INPP4B: variants seen among roughly 807,000 people sequenced by gnomAD.
INPP4B encodes the protein inositol polyphosphate 4-phosphatase type II.
A neutral mutation model predicts 122.5 loss-of-function variants in INPP4B; 55 were observed. The ratio of observed to expected loss-of-function variants is 0.45; its 90% CI spans 0.36 to 0.56. INPP4B has a LOEUF of 0.56. Ranked by LOEUF, INPP4B falls within the 20% of genes least tolerant of loss-of-function variation. INPP4B has a pLI of 0.00. For synonymous variants in INPP4B, 403 were observed against 388.7 expected (o/e 1.04, Z -0.43); for missense variants, 1,000 against 1,097.7 (o/e 0.91, Z 1.26).
chr4:142,842,741 AAT>A (rs1279640030), intron 1 of INPP4B, among the ~76,000 whole-genome samples: 4 of 132,124 alleles, frequency 3.0e-5, no homozygotes, highest in Admixed American at 1.7e-4. Context: ...ATATTAATAT[AAT>A]ATATAATATA....
chr4:142,487,128 G>A (rs1821299667), intron 2 of INPP4B, among the ~76,000 whole-genome samples: 1 of 152,080 alleles, frequency 6.6e-6, no homozygotes, highest in African/African-American at 2.4e-5. Flanking sequence ...TTAAAAACGG[G>A]AGTTTCTCTG....
chr4:142,650,692 C>T (rs556871366), intron 2 of INPP4B, among the ~76,000 whole-genome samples: 1 of 152,172 alleles, frequency 6.6e-6, no homozygotes, highest in East Asian at 1.9e-4. Flanking sequence ...ATATATGCAC[C>T]CAACACAGGA....
At chr4:142,450,681 A>G (rs1281911541) in intron 3 of INPP4B, among the ~76,000 whole-genome samples, 2 of 152,228 alleles carry the variant, frequency 1.3e-5, no homozygotes, top group Non-Finnish European at 2.9e-5. Flanking sequence ...TCCTTATAAC[A>G]AATGTATTCA....
At chr4:142,656,785 C>A (rs187739596) in intron 2 of INPP4B, among the ~76,000 whole-genome samples, 17 of 152,202 alleles carry the variant, frequency 1.1e-4, no homozygotes, top group Admixed American at 9.8e-4. Context: ...AACAAGTTAG[C>A]CCTTAAAGAT....
chr4:142,778,415 T>G (rs1453586084), intron 1 of INPP4B, among the ~76,000 whole-genome samples: 1 of 152,176 alleles, frequency 6.6e-6, no homozygotes, highest in Non-Finnish European at 1.5e-5. Flanking sequence ...TGTTTTCAGG[T>G]ATCTATTCCT....
At chr4:142,247,151 ACCG>A (rs1251429652) in intron 11 of INPP4B, among the ~76,000 whole-genome samples, 2 of 152,166 alleles carry the variant, frequency 1.3e-5, no homozygotes, top group Non-Finnish European at 2.9e-5. Flanking sequence ...AGCTGACTTG[ACCG>A]TGGTGGATAA....
chr4:142,217,432 T>A (rs1160702059), intron 12 of INPP4B, among the ~76,000 whole-genome samples: 1 of 152,148 alleles, frequency 6.6e-6, no homozygotes, highest in Non-Finnish European at 1.5e-5. Context: ...GTTCTTATAT[T>A]TTCCTAAAAT....
chr4:142,836,747 A>G (rs931467468), intron 1 of INPP4B, among the ~76,000 whole-genome samples: 1 of 96,780 alleles, frequency 1.0e-5, no homozygotes, highest in East Asian at 2.5e-4. Context: ...CACACACACA[A>G]GAAATACGAC....
At chr4:142,765,842 G>T (rs1000996847) in intron 1 of INPP4B, 9 of 145,354 alleles carry the variant, frequency 6.2e-5, no homozygotes, top group Non-Finnish European at 6.1e-5. Flanking sequence ...AAAGCTTCTG[G>T]TTTTTTTTTT....
At chr4:142,623,168 T>A (rs187911573) in intron 2 of INPP4B, among the ~76,000 whole-genome samples, 188 of 152,072 alleles carry the variant, frequency 1.2e-3, no homozygotes, top group African/African-American at 4.5e-3. Context: ...GTCGCAAATA[T>A]ACACAGAGTC....
chr4:142,274,091 A>G (rs1048369895), intron 9 of INPP4B, among the ~76,000 whole-genome samples: 2 of 151,990 alleles, frequency 1.3e-5, no homozygotes, highest in Non-Finnish European at 2.9e-5. Context: ...CTTAAATGCT[A>G]AATTATGCTT....
chr4:142,281,319 T>C (rs961004139), intron 9 of INPP4B, among the ~76,000 whole-genome samples: 2 of 150,080 alleles, frequency 1.3e-5, no homozygotes, highest in Non-Finnish European at 3.0e-5. Flanking sequence ...GTGAAAACAG[T>C]CTGGATAGAT....
At chr4:142,146,329 A>G (rs1025675714) in intron 17 of INPP4B, among the ~76,000 whole-genome samples, 4 of 152,206 alleles carry the variant, frequency 2.6e-5, no homozygotes, top group Non-Finnish European at 5.9e-5. Context: ...ATCAACACTT[A>G]TTATGAAAGC....
chr4:142,800,863 A>C (rs991425223), intron 1 of INPP4B, among the ~76,000 whole-genome samples: 4 of 152,200 alleles, frequency 2.6e-5, no homozygotes, highest in Admixed American at 1.3e-4. Context: ...AAGAAGAGGG[A>C]ATAAACAGAA....
At chr4:142,801,253 T>C (rs979586405) in intron 1 of INPP4B, among the ~76,000 whole-genome samples, 1 of 152,172 alleles carries the variant, frequency 6.6e-6, no homozygotes, top group Non-Finnish European at 1.5e-5. Context: ...GACAGTGTTA[T>C]GGACTAAATT....
chr4:142,105,033 A>G (rs1786308160), intron 23 of INPP4B, among the ~76,000 whole-genome samples: 2 of 152,144 alleles, frequency 1.3e-5, no homozygotes, highest in South Asian at 4.1e-4. Context: ...GATTTACAGG[A>G]AAGGAACTTT....
intron 8 of INPP4B, among the ~76,000 whole-genome samples, chr4:142,307,510 G>A (rs922879994): frequency 6.6e-6 from 1 of 152,160 alleles, no homozygotes; most frequent in Non-Finnish European, 1.5e-5. Context: ...ATGAATGAAT[G>A]AACAAATGGC....
At chr4:142,313,432 A>T (rs1766308761) in intron 8 of INPP4B, among the ~76,000 whole-genome samples, 1 of 152,136 alleles carries the variant, frequency 6.6e-6, no homozygotes, top group African/African-American at 2.4e-5. Flanking sequence ...CAGGGGTGTG[A>T]TGAGAGTATG....
chr4:142,432,107 C>T (rs1809451896), intron 3 of INPP4B, among the ~76,000 whole-genome samples: 1 of 152,020 alleles, frequency 6.6e-6, no homozygotes, highest in African/African-American at 2.4e-5. Flanking sequence ...TACAGACAGC[C>T]TCAAATACTT....
Sources: allele counts gnomAD v4.1 joint callset (sites outside exome capture counted in the v4.1 genomes callset), GRCh38; gene constraint gnomAD v4.1.1; transcripts MANE v1.5; gene names NCBI Gene and HGNC (gene_info 2026-07-23, HGNC 2026-07-21).